AAK1: variants seen among roughly 807,000 people sequenced by gnomAD.
The protein encoded by AAK1 is AP2 associated kinase 1.
AAK1 carries 37 observed loss-of-function variants against 116.0 expected under a neutral mutation model. That is an observed-to-expected ratio of 0.32 (90% CI 0.25 to 0.42). The LOEUF is 0.42. Among genes scored for constraint, AAK1 ranks in the 10% least tolerant of loss-of-function variants. AAK1 has a pLI of 1.00. For synonymous variants in AAK1, 458 were observed against 439.9 expected (o/e 1.04, Z -0.51); for missense variants, 919 against 1,170.6 (o/e 0.79, Z 3.14).
At chr2:69,529,366 C>T (rs1162563915) in intron 8 of AAK1, among the ~76,000 whole-genome samples, 4 of 152,020 alleles carry the variant, frequency 2.6e-5, no homozygotes, top group Admixed American at 2.6e-4. Flanking sequence ...GCTTCTTTAG[C>T]ATTTTAGTAT....
chr2:69,535,176 T>C (rs1424934998), intron 5 of AAK1, among the ~76,000 whole-genome samples: 1 of 152,202 alleles, frequency 6.6e-6, no homozygotes, highest in East Asian at 1.9e-4. Flanking sequence ...CTTCTAATGC[T>C]GGAATGTACA....
intron 2 of AAK1, among the ~76,000 whole-genome samples, chr2:69,640,095 T>A (rs1423511863): frequency 6.7e-6 from 1 of 148,922 alleles, no homozygotes; most frequent in East Asian, 2.1e-4. Flanking sequence ...CCCACATATA[T>A]ACATATGATG....
chr2:69,635,096 G>C (rs1447133421), intron 2 of AAK1, among the ~76,000 whole-genome samples: 2 of 152,194 alleles, frequency 1.3e-5, no homozygotes, highest in Admixed American at 6.5e-5. Flanking sequence ...AGAATATACA[G>C]AGAACTCCTA....
In AAK1 at chr2:69,465,769, G is replaced by A; in HGVS notation, c.*10100C>T. 1.5e-6 allele frequency: 2 copies of A among 1,290,900 alleles called. No individual in the cohort carries two copies. The highest frequency in any genetic ancestry group is 1.2e-5 in the South Asian group (1 of 81,022). The allele number at this position is 1,290,900 out of a possible 1,614,324, so 80.0% of individuals were successfully genotyped here. ...GATCCCCTGGGAGAGATGCTGTCCA[G>A]ATGGTCTGCTGCTTGTACAGAATGG... On this transcript the variant is annotated 3_prime_UTR_variant, in exon 22 of 22. Transcript: ENST00000409085.
At chr2:69,578,399 A>G (rs1426783661) in intron 2 of AAK1, among the ~76,000 whole-genome samples, 3 of 152,180 alleles carry the variant, frequency 2.0e-5, no homozygotes, top group African/African-American at 7.2e-5. Context: ...CTCAGACTAG[A>G]GTTCAAATGC....
intron 16 of AAK1, among the ~76,000 whole-genome samples, chr2:69,502,751 C>T (rs1164349179): frequency 2.0e-5 from 3 of 152,148 alleles, no homozygotes; most frequent in Non-Finnish European, 4.4e-5. Flanking sequence ...ATTTATATAG[C>T]TTTCTTGGAC....
chr2:69,583,062 G>A (rs1011509650), intron 2 of AAK1, among the ~76,000 whole-genome samples: 4 of 152,212 alleles, frequency 2.6e-5, no homozygotes, highest in African/African-American at 7.2e-5. Flanking sequence ...TCAGGAGTCA[G>A]GAGGCCTAGT....
chr2:69,612,262 G>T (rs1386927675), intron 2 of AAK1, among the ~76,000 whole-genome samples: 1 of 152,166 alleles, frequency 6.6e-6, no homozygotes, highest in African/African-American at 2.4e-5. Context: ...ACTAAAAAAG[G>T]ATTAAAATGG....
chr2:69,610,134 T>G (rs903072801), intron 2 of AAK1, among the ~76,000 whole-genome samples: 1 of 150,910 alleles, frequency 6.6e-6, no homozygotes, highest in Non-Finnish European at 1.5e-5. Flanking sequence ...ATCAAAACAG[T>G]GTGGTACTGG....
chr2:69,462,377 A>T lies in AAK1; in HGVS notation c.*13492T>A, dbSNP rs72833931. On this transcript the variant is annotated 3_prime_UTR_variant, in exon 22 of 22. Transcript: ENST00000409085. Reference sequence around the variant, plus strand: ...AAAACTTAAAGTATAATAATAATTTAAAAAAAAAAAAAGAATTTCTGGGCC... The same window carrying T: ...AAAACTTAAAGTATAATAATAATTTTAAAAAAAAAAAAGAATTTCTGGGCC... 0.33 allele frequency: 48,412 copies of T among 147,644 alleles called. 8,591 individuals are homozygous for T. Among genetic ancestry groups the T allele is most frequent in the Non-Finnish European group, 0.4 (26,872 of 66,736 alleles). 9.1% of individuals were successfully genotyped at this position (147,644 alleles called of 1,614,324 possible).
At chr2:69,625,908 C>G (rs1373865187) in intron 2 of AAK1, among the ~76,000 whole-genome samples, 1 of 152,142 alleles carries the variant, frequency 6.6e-6, no homozygotes, top group Non-Finnish European at 1.5e-5. Flanking sequence ...TATCCTTTCC[C>G]TACTCTTCTT....
At chr2:69,484,696 G>A (rs1471648615) in intron 17 of AAK1, among the ~76,000 whole-genome samples, 3 of 151,708 alleles carry the variant, frequency 2.0e-5, no homozygotes, top group Admixed American at 1.3e-4. Flanking sequence ...CCAACATGGC[G>A]AAACCCCGCC....
intron 3 of AAK1, among the ~76,000 whole-genome samples, chr2:69,549,629 T>C (rs991671410): frequency 9.2e-5 from 14 of 152,236 alleles, no homozygotes; most frequent in African/African-American, 3.4e-4. Context: ...ATTCTATTAA[T>C]GCAGCTAAAC....
intron 16 of AAK1, among the ~76,000 whole-genome samples, chr2:69,500,697 A>G (rs1381513091): frequency 2.5e-5 from 3 of 120,044 alleles, no homozygotes; most frequent in Admixed American, 1.7e-4. Flanking sequence ...ATATATATAT[A>G]TACACACACA....
intron 14 of AAK1, among the ~76,000 whole-genome samples, chr2:69,508,626 T>A (rs1676278201): frequency 6.6e-6 from 1 of 152,184 alleles, no homozygotes; most frequent in Non-Finnish European, 1.5e-5. Context: ...CAATGTCATA[T>A]AAGCTCAAAA....
chr2:69,533,254 T>C (rs1270196329), intron 5 of AAK1, among the ~76,000 whole-genome samples: 1 of 152,134 alleles, frequency 6.6e-6, no homozygotes, highest in African/African-American at 2.4e-5. Context: ...ACCTAGTGCC[T>C]AACACAATGC....
chr2:69,518,288 C>T (rs894645450), intron 12 of AAK1, among the ~76,000 whole-genome samples: 5 of 151,306 alleles, frequency 3.3e-5, no homozygotes, highest in South Asian at 4.2e-4. Flanking sequence ...ATATCAGAAA[C>T]AGTTAAACAC....
rs540135246 is a variant in AAK1, at chr2:69,531,756, T to A, written c.656+285A>T. ...ACGGTGTGTGCACCTCTCAGCTTTT[T>A]ATAGGCTCTGTGACATCATAAATCA... On this transcript the variant is annotated intron_variant, in intron 6 of 21. Transcript: ENST00000409085. 2.6e-5 allele frequency: 30 copies of A among 1,136,226 alleles called. No homozygotes were observed. In the East Asian group the frequency reaches 1.6e-3, roughly 61 times the overall value. The allele number at this position is 1,136,226 out of a possible 1,614,324, so 70.4% of individuals were successfully genotyped here.
chr2:69,564,939 C>A (rs1671800585), intron 2 of AAK1, among the ~76,000 whole-genome samples: 1 of 152,182 alleles, frequency 6.6e-6, no homozygotes, highest in Admixed American at 6.5e-5. Context: ...TCCACCCCCA[C>A]CTCCCTGCAA....
Sources: allele counts gnomAD v4.1 joint callset (sites outside exome capture counted in the v4.1 genomes callset), GRCh38; gene constraint gnomAD v4.1.1; transcripts MANE v1.5; gene names NCBI Gene and HGNC (gene_info 2026-07-23, HGNC 2026-07-21).